Variants in EPSTI1 observed in about 807,000 individuals in gnomAD.
EPSTI1 encodes the protein epithelial stromal interaction 1.
EPSTI1 carries 66 observed loss-of-function variants against 49.9 expected under a neutral mutation model. That is an observed-to-expected ratio of 1.32 (90% confidence interval 1.08 to 1.62). The LOEUF (loss-of-function observed/expected upper bound fraction) is 1.62, where lower values mean the gene tolerates loss of function less well. EPSTI1 is among the 40% of genes most tolerant of loss of function. EPSTI1 has a pLI of 0.00. For missense variants in EPSTI1, 394 were observed against 365.5 expected, an observed-to-expected ratio of 1.08 and a Z score of -0.64; for synonymous variants, 137 against 130.7, an observed-to-expected ratio of 1.05 and a Z score of -0.33.
At position 42,888,301 on chromosome 13, in the gene EPSTI1, A is replaced by AGGTCG; in HGVS notation, c.*192_*193insCGACC. The stretch of plus-strand genomic sequence containing the variant: ...GGCAGTAGAGATTAAATATGAGTTC[A>AGGTCG]GGAATCAGCTCCTCCAAACATGCAT... On this transcript the variant is annotated 3_prime_UTR_variant, in exon 11 of 11. Transcript: ENST00000313624. The AGGTCG allele has an allele frequency of 3.1e-6, 5 of 1,614,118 alleles. No homozygotes were observed. The African/African-American group carries it at 6.7e-5, about 22-fold the overall frequency.
Position 42,963,241 on chromosome 13 carries a change from C to T in EPSTI1, c.489+14G>A, listed in dbSNP as rs755534648. On this transcript the variant is annotated intron_variant, in intron 5 of 10. Transcript: ENST00000313624. ...GTTGATCAGCAAATGTGAACTAATC[C>T]TCCTCCTCCTTACCTTCTCTCTCTG... 2 of 1,594,322 alleles carry T rather than the reference C, an allele frequency of 1.3e-6. No homozygotes were observed.
chr13:42,890,047 A>C (rs1340638483), intron 10 of EPSTI1, among the ~76,000 whole-genome samples: 1 of 152,180 alleles, frequency 6.6e-6, no homozygotes, highest in Non-Finnish European at 1.5e-5. Flanking sequence ...CATACAAAAA[A>C]CTAAAAAATT....
intron 5 of EPSTI1, among the ~76,000 whole-genome samples, chr13:42,957,149 T>C (rs9525716): frequency 0.098 from 14,936 of 152,084 alleles, 1,074 homozygotes; most frequent in East Asian, 0.31. Context: ...ATAGGAAGCA[T>C]GATGATAGGG....
chr13:42,968,334 A>G (rs1196580618), intron 3 of EPSTI1, among the ~76,000 whole-genome samples: 1 of 145,506 alleles, frequency 6.9e-6, no homozygotes. Flanking sequence ...GTGGGGGGGC[A>G]GGGTGTGGGG....
In EPSTI1 at chr13:42,919,384, T is replaced by C. The variant is rs73183915; in HGVS notation, c.658-1760A>G. 3,603 of 1,518,770 alleles carry C rather than the reference T, an allele frequency of 2.4e-3. 9 individuals carry two copies. The highest frequency in any genetic ancestry group is 2.7e-3 in the Non-Finnish European group (2,922 of 1,095,878). 94.1% of individuals were successfully genotyped at this position (1,518,770 alleles called of 1,614,324 possible). ...AATTGATCACTATTTTTCTTAGCTC[T>C]AAACACCAGAAATTTCTAAGTCACT... is the stretch of plus-strand genomic sequence containing the variant. On this transcript the variant is annotated intron_variant, in intron 7 of 10. Transcript: ENST00000313624.
chr13:42,964,130 T>C lies in EPSTI1; in HGVS notation c.341A>G (p.Gln114Arg). The part of the protein sequence containing the change: ...HLVPRRLGGS[Q>R]SETEVRQKQQ... ...TTTCTGTCTGACTTCAGTTTCTGAC[T>C]GGCTTCCACCTTAGGAAAAAAAAAT... The change falls in exon 4 of 11, where the codon CAG (glutamine) becomes CGG (arginine). Residue 114 changes from glutamine (Q) to arginine (R), a missense_variant. Physicochemically the swap from Gln to Arg is conservative, Grantham distance 43 (BLOSUM62 1). Transcript: ENST00000313624. The C allele has an allele frequency of 6.2e-7, 1 of 1,613,244 alleles. No homozygotes were observed. The highest frequency in any genetic ancestry group is 8.5e-7 in the Non-Finnish European group (1 of 1,179,686).
At chr13:42,982,183 A>G (rs115590985) in intron 1 of EPSTI1, among the ~76,000 whole-genome samples, 2,503 of 152,314 alleles carry the variant, frequency 0.016, 57 homozygotes, top group African/African-American at 0.055. Flanking sequence ...GACAGTTTTC[A>G]GTAAAGAAGC....
At chr13:42,967,465 C>T (rs925077216) in intron 3 of EPSTI1, among the ~76,000 whole-genome samples, 1 of 152,078 alleles carries the variant, frequency 6.6e-6, no homozygotes, top group South Asian at 2.1e-4. Flanking sequence ...TACAAATGGC[C>T]CACATTCACA....
chr13:42,933,312 TAAAAAAA>T (rs1178617129), intron 6 of EPSTI1, among the ~76,000 whole-genome samples: 1 of 77,324 alleles, frequency 1.3e-5, no homozygotes, highest in South Asian at 3.9e-4. Flanking sequence ...ACATAAAAAG[TAAAAAAA>T]AAAAAAAAAA....
intron 6 of EPSTI1, among the ~76,000 whole-genome samples, chr13:42,938,809 G>A (rs2038650027): frequency 6.6e-6 from 1 of 150,404 alleles, no homozygotes; most frequent in Non-Finnish European, 1.5e-5. Context: ...CAGCTACTCA[G>A]GAGGCTGAGG....
At position 42,895,014 on chromosome 13, in the gene EPSTI1, T is replaced by C; in HGVS notation, c.910A>G (p.Ser304Gly). 1.2e-6 allele frequency: 2 copies of C among 1,609,286 alleles called. No homozygotes were observed. Among genetic ancestry groups the C allele is most frequent in the East Asian group, 4.5e-5 (2 of 44,784 alleles). ...GGCWNMNSGNSWGI is the reference protein window; with the variant it reads ...GGCWNMNSGNGWGI ...AGAGAAAAGAAAAAACTCACCCAGC[T>C]GTTACCGCTATTCATATTCCAACAG... Residue 304 changes from serine to glycine, a missense_variant, in exon 10 of 11, where the codon AGC (serine) becomes GGC (glycine). Coordinates refer to ENST00000313624, the MANE Select transcript of EPSTI1 (RefSeq NM_033255.5).
intron 1 of EPSTI1, among the ~76,000 whole-genome samples, chr13:42,986,961 C>T (rs930740334): frequency 1.3e-5 from 2 of 152,120 alleles, no homozygotes; most frequent in Admixed American, 1.3e-4. Context: ...AAACTCTTCA[C>T]ACCCCACCAC....
At chr13:42,889,999 G>C (rs1464114807) in intron 10 of EPSTI1, among the ~76,000 whole-genome samples, 2 of 152,098 alleles carry the variant, frequency 1.3e-5, no homozygotes, top group Non-Finnish European at 2.9e-5. Flanking sequence ...ATTTGCCAGA[G>C]TCTGTTTCCC....
chr13:42,933,710 T>C (rs1243050131), intron 6 of EPSTI1: 1 of 152,220 alleles, frequency 6.6e-6, no homozygotes, highest in African/African-American at 2.4e-5. Flanking sequence ...GAAGGAACCA[T>C]GTCCTGCAGC....
intron 3 of EPSTI1, among the ~76,000 whole-genome samples, chr13:42,966,839 C>T (rs1456533832): frequency 1.3e-5 from 1 of 75,726 alleles, no homozygotes; most frequent in Non-Finnish European, 2.9e-5. Flanking sequence ...AATAGAAAGG[C>T]GGGAAAGGTG....
chr13:42,917,655 A>AC (rs1555260813), intron 7 of EPSTI1, 31 bp from the exon 8 acceptor site: 3 of 1,441,446 alleles, frequency 2.1e-6, no homozygotes, highest in African/African-American at 1.4e-5. Context: ...AAAAAAAAAA[A>AC]AAAACAACTT....
chr13:42,888,122 G>C lies in EPSTI1; in HGVS notation c.*372C>G. On this transcript the variant is annotated 3_prime_UTR_variant, in exon 11 of 11. Coordinates refer to ENST00000313624, the MANE Select transcript of EPSTI1 (RefSeq NM_033255.5). The stretch of plus-strand genomic sequence containing the variant: ...CCCCAAAGCTTTCAAAACCTGATCT[G>C]AGAATTAGATAAGAATATGTCACTT... The C allele has an allele frequency of 8.8e-7, 1 of 1,139,456 alleles. No homozygotes were observed. Among genetic ancestry groups the C allele is most frequent in the Non-Finnish European group, 1.2e-6 (1 of 809,450 alleles). The allele number at this position is 1,139,456 out of a possible 1,614,324, so 70.6% of individuals were successfully genotyped here.
intron 8 of EPSTI1, among the ~76,000 whole-genome samples, chr13:42,908,484 GAAAAAAA>G (rs140923122): frequency 0.074 from 8,363 of 113,352 alleles, 345 homozygotes; most frequent in South Asian, 0.12. Flanking sequence ...ACTCTGTTAT[GAAAAAAA>G]AAAAAAAAAA....
intron 8 of EPSTI1, among the ~76,000 whole-genome samples, chr13:42,910,408 C>T (rs2037635439): frequency 6.6e-6 from 1 of 151,818 alleles, no homozygotes; most frequent in African/African-American, 2.4e-5. Flanking sequence ...ATTACAGGCA[C>T]CTGCCACCAC....
Sources: gnomAD v4.1 joint callset for allele counts (sites outside exome capture counted in the v4.1 genomes callset) on GRCh38, gnomAD v4.1.1 for gene constraint, MANE v1.5 for transcripts, NCBI Gene and HGNC (gene_info 2026-07-23, HGNC 2026-07-21) for gene names.